The following MYOM1 variants were observed in gnomAD, a reference collection of about 807,000 sequenced individuals.
MYOM1 encodes the protein myomesin-1.
MYOM1 carries 164 observed loss-of-function variants against 205.3 expected under a neutral mutation model. That is an observed-to-expected ratio of 0.80 (90% CI 0.70 to 0.91). MYOM1 has a LOEUF of 0.91. Among genes scored for constraint, MYOM1 ranks in the 40% least tolerant of loss-of-function variants. The probability of loss-of-function intolerance (pLI) is 0.00; values close to 1 mark genes in which losing one functional copy is unlikely to be tolerated. For missense variants in MYOM1, 2,011 were observed against 2,127.3 expected (o/e 0.95, Z 1.08); for synonymous variants, 772 against 789.4 (o/e 0.98, Z 0.37).
intron 30 of MYOM1, among the ~76,000 whole-genome samples, chr18:3,085,830 G>A (rs1029446018): frequency 2.0e-5 from 3 of 152,190 alleles, no homozygotes; most frequent in South Asian, 4.1e-4. Context: ...AAAAGCAAGA[G>A]TTGTGGCATT....
chr18:3,154,956 A>C lies in MYOM1; in HGVS notation c.1634T>G (p.Phe545Cys), dbSNP rs1026673033. 6.2e-7 allele frequency: 1 copy of C among 1,611,100 alleles called. No homozygotes were observed. Among genetic ancestry groups the C allele is most frequent in the African/African-American group, 1.3e-5 (1 of 74,902 alleles). Residue 545 changes from phenylalanine to cysteine, a missense_variant, in exon 11 of 38, where the codon TTT (phenylalanine) becomes TGT (cysteine). Coordinates refer to ENST00000356443, the MANE Select transcript of MYOM1 (RefSeq NM_003803.4). The stretch of plus-strand genomic sequence containing the variant: ...TAGCCTAAGCACTAACTTATCAATA[A>C]AATATCCGAGAATAGGACTCCCTCC... Reference protein sequence around the residue: ...VDGGSPILGYFIDKCEVGTDS... With the variant: ...VDGGSPILGYCIDKCEVGTDS...
intron 20 of MYOM1, 136 bp downstream of exon 20, chr18:3,119,733 A>T: frequency 1.9e-6 from 2 of 1,080,426 alleles, no homozygotes; most frequent in South Asian, 2.3e-5. Flanking sequence ...AAAATATTTT[A>T]GGTAAACACA....
intron 11 of MYOM1, 66 bp downstream of exon 11, chr18:3,154,881 T>C: frequency 6.6e-7 from 1 of 1,514,014 alleles, no homozygotes; most frequent in Non-Finnish European, 9.0e-7. Context: ...CTAGAAATGA[T>C]GGGAGAAATC....
At chr18:3,234,303 T>C in the MYOM1 span, among the ~76,000 whole-genome samples, 65 of 152,292 alleles carry the variant, frequency 4.3e-4, no homozygotes, top group Middle Eastern at 3.4e-3. Flanking sequence ...AAGTCAAACA[T>C]ACAGGAAACA....
rs373002670 is a variant in MYOM1 at position 3,134,740 on chromosome 18, G to C, written c.2294C>G (p.Ala765Gly). The change falls in exon 16 of 38, where the codon GCC becomes GGC. Residue 765 changes from alanine to glycine, a missense_variant. Ala to Gly is a moderately conservative substitution (Grantham distance 60). Transcript: ENST00000356443. ...TATGTAGTACCCGACCAGCTCTTTG[G>C]CATCTTTGGACTCCTCCCACGAAAC... Reference protein sequence around the residue: ...VVVSWEESKDAKELVGYYIEA... With the variant: ...VVVSWEESKDGKELVGYYIEA... The C allele has an allele frequency of 1.9e-6, 3 of 1,613,748 alleles. No homozygotes were observed. The highest frequency in any genetic ancestry group is 2.5e-6 in the Non-Finnish European group (3 of 1,179,882).
chr18:3,109,763 T>C (rs1223929334), intron 22 of MYOM1, among the ~76,000 whole-genome samples: 1 of 152,180 alleles, frequency 6.6e-6, no homozygotes, highest in East Asian at 1.9e-4. Flanking sequence ...CAGATCTCAT[T>C]TTACATTACT....
At chr18:3,085,156 A>G (rs1356309241) in intron 30 of MYOM1, 24 bp from the exon 31 acceptor site, 3 of 1,531,538 alleles carry the variant, frequency 2.0e-6, no homozygotes, top group Admixed American at 1.9e-5. Context: ...GATATACCAC[A>G]TTGCACCTTT....
rs147755373 is a variant in MYOM1 at position 3,074,784 on chromosome 18, A to G, written c.4708+670T>C. Among the ~76,000 whole-genome samples the G allele has an allele frequency of 1.8e-3, 269 of 152,228 alleles. 1 individual carries two copies. Among genetic ancestry groups the G allele is most frequent in the Non-Finnish European group, 3.3e-3 (221 of 67,986 alleles). ...CAGTGAATTACTTGATATCAAATTT[A>G]CAGTTTTCTATTTTCTTTTGTTGTT... On this transcript the variant is annotated intron_variant, in intron 36 of 37. Transcript: ENST00000356443.
chr18:3,174,778 G>A (rs2080612601), intron 6 of MYOM1, among the ~76,000 whole-genome samples: 1 of 152,154 alleles, frequency 6.6e-6, no homozygotes, highest in Non-Finnish European at 1.5e-5. Context: ...TAGCTTCAAA[G>A]CTCATCTAAG....
rs1834629119 is a variant in MYOM1, at chr18:3,086,044, T to G, written c.4245A>C (p.Ile1415=). Residue 1415 remains isoleucine, a synonymous_variant, in exon 30 of 38, where the codon ATA becomes ATC. Transcript: ENST00000356443. ...DFKDGICTLL[I]TEFSKKDAGI... ...TACATTTATAATCGCCTACCTCTGTTATAAGCAGGGTACATATACCATCCT... is the reference window on the plus strand; with the variant it reads ...TACATTTATAATCGCCTACCTCTGTGATAAGCAGGGTACATATACCATCCT... 1 of 1,595,916 alleles carries G rather than the reference T, an allele frequency of 6.3e-7. No homozygotes were observed. Among genetic ancestry groups the G allele is most frequent in the Non-Finnish European group, 8.6e-7 (1 of 1,166,620 alleles).
At chr18:3,140,826 A>C (rs1176576164) in intron 14 of MYOM1, among the ~76,000 whole-genome samples, 1 of 152,230 alleles carries the variant, frequency 6.6e-6, no homozygotes, top group African/African-American at 2.4e-5. Flanking sequence ...CGATTTTGCT[A>C]TGAAACTAAA....
At chr18:3,199,554 C>T (rs1285528996) in intron 2 of MYOM1, among the ~76,000 whole-genome samples, 3 of 152,150 alleles carry the variant, frequency 2.0e-5, no homozygotes, top group Non-Finnish European at 2.9e-5. Flanking sequence ...AAATTACCTG[C>T]ACACCGGCTG....
At position 3,084,907 on chromosome 18, in the gene MYOM1, G is replaced by A. The variant is rs2079131831; in HGVS notation, c.4339+138C>T. 2.4e-5 allele frequency: 15 copies of A among 623,804 alleles called. 1 individual carries two copies. The South Asian group carries it at 3.1e-4, about 13-fold the overall frequency. 38.6% of individuals were successfully genotyped at this position (623,804 alleles called of 1,614,324 possible). A position where few individuals can be genotyped will look rare whatever the true frequency, so the allele number is the denominator to read the frequency against. The stretch of plus-strand genomic sequence containing the variant: ...ATTTTTGAATAAAACAGTTCACTCT[G>A]TTGGAATTTCAATTAAGCCAAAATC... On this transcript the variant is annotated intron_variant, in intron 31 of 37. Coordinates refer to ENST00000356443, the MANE Select transcript of MYOM1 (RefSeq NM_003803.4).
intron 25 of MYOM1, among the ~76,000 whole-genome samples, chr18:3,099,928 A>T (rs979592716): frequency 9.9e-5 from 15 of 152,204 alleles, no homozygotes; most frequent in Admixed American, 9.2e-4. Flanking sequence ...TCGCCATGTA[A>T]TGGAGCATGG....
chr18:3,150,184 C>T (rs754287638), intron 12 of MYOM1, among the ~76,000 whole-genome samples: 12 of 152,166 alleles, frequency 7.9e-5, no homozygotes, highest in East Asian at 1.9e-4. Context: ...CTCAGCCTCC[C>T]GAGTAGCTGG....
chr18:3,242,578 G>A, the MYOM1 span, among the ~76,000 whole-genome samples: 2 of 152,046 alleles, frequency 1.3e-5, no homozygotes, highest in African/African-American at 2.4e-5. Flanking sequence ...GCATGATCTC[G>A]GCTCACTGCA....
rs1469712868 is a variant in MYOM1, at chr18:3,209,485, T to C, written c.290+5449A>G. Among the ~76,000 whole-genome samples the C allele has an allele frequency of 1.3e-5, 2 of 152,232 alleles. No homozygotes were observed. The highest frequency in any genetic ancestry group is 1.9e-4 in the East Asian group (1 of 5,192). On this transcript the variant is annotated intron_variant, in intron 2 of 37. Transcript: ENST00000356443. This position sits in a 1 kb window ranked among gnomAD's most constrained non-coding sequence, Gnocchi z 4.0. ...GTCGCTATTCTGCTCAAAACTGTCA[T>C]GGATTCCTTCTTTAACTCAGAATAT...
At chr18:3,121,336 A>G (rs1403498106) in intron 19 of MYOM1, among the ~76,000 whole-genome samples, 1 of 152,186 alleles carries the variant, frequency 6.6e-6, no homozygotes, top group African/African-American at 2.4e-5. Context: ...ATCTAGACCT[A>G]TAGTATTTTA....
intron 13 of MYOM1, among the ~76,000 whole-genome samples, chr18:3,144,111 C>T (rs1299416751): frequency 6.6e-6 from 1 of 151,932 alleles, no homozygotes; most frequent in East Asian, 1.9e-4. Flanking sequence ...GAGCCTGAGG[C>T]AGGAGAATGG....
Sources: allele counts gnomAD v4.1 joint callset (sites outside exome capture counted in the v4.1 genomes callset), GRCh38; gene constraint gnomAD v4.1.1; non-coding constraint Gnocchi (gnomAD v3.1); transcripts MANE v1.5; gene names NCBI Gene and HGNC (gene_info 2026-07-23, HGNC 2026-07-21).